The following MAP4K4 variants were observed in gnomAD, a reference collection of about 807,000 sequenced individuals.
MAP4K4 encodes the protein HPK/GCK-like kinase HGK.
A neutral mutation model predicts 189.6 loss-of-function variants in MAP4K4; 38 were observed. That is an observed-to-expected ratio of 0.20 (90% CI 0.15 to 0.26). The LOEUF (loss-of-function observed/expected upper bound fraction) is 0.26, where lower values mean the gene tolerates loss of function less well. Among genes scored for constraint, MAP4K4 ranks in the 10% least tolerant of loss-of-function variants. The pLI is 1.00. For missense variants in MAP4K4, 1,054 were observed against 1,726.9 expected (o/e 0.61, Z 6.91); for synonymous variants, 610 against 624.3 (o/e 0.98, Z 0.34).
intron 24 of MAP4K4, among the ~76,000 whole-genome samples, chr2:101,872,520 G>T (rs936713491): frequency 6.6e-6 from 1 of 152,142 alleles, no homozygotes; most frequent in Non-Finnish European, 1.5e-5. Flanking sequence ...CAAGTGATTT[G>T]ATTCCACAGA....
At chr2:101,824,780 C>T (rs2096276563) in intron 4 of MAP4K4, among the ~76,000 whole-genome samples, 2 of 152,258 alleles carry the variant, frequency 1.3e-5, no homozygotes, top group East Asian at 3.9e-4. Flanking sequence ...AGTTTATTTT[C>T]TGGGTACTTT....
chr2:101,804,785 T>C (rs988790301), intron 3 of MAP4K4, among the ~76,000 whole-genome samples: 6 of 152,152 alleles, frequency 3.9e-5, no homozygotes, highest in African/African-American at 1.4e-4. Flanking sequence ...GTAGCTCTTA[T>C]ATTTTTATAT....
At chr2:101,738,422 T>TTAAAA (rs2061343027) in intron 2 of MAP4K4, among the ~76,000 whole-genome samples, 1 of 152,192 alleles carries the variant, frequency 6.6e-6, no homozygotes, top group Admixed American at 6.5e-5. Context: ...ATGCAGATTT[T>TTAAAA]TAAAAAAAGC....
At chr2:101,757,407 A>G (rs1034765204) in intron 2 of MAP4K4, among the ~76,000 whole-genome samples, 1 of 152,242 alleles carries the variant, frequency 6.6e-6, no homozygotes, top group Non-Finnish European at 1.5e-5. Flanking sequence ...ATAAGTGAAT[A>G]GACTAGATCT....
intron 2 of MAP4K4, among the ~76,000 whole-genome samples, chr2:101,725,307 A>G (rs528529855): frequency 6.6e-6 from 1 of 151,896 alleles, no homozygotes; most frequent in South Asian, 2.1e-4. Flanking sequence ...TAGTCAAGCT[A>G]TAGCGATAGG....
chr2:101,732,705 C>T (rs1374365136), intron 2 of MAP4K4, among the ~76,000 whole-genome samples: 2 of 152,220 alleles, frequency 1.3e-5, no homozygotes. Context: ...TCTCCTGCCT[C>T]AGCCTCCTGA....
chr2:101,836,707 C>T (rs1438716338), intron 9 of MAP4K4, among the ~76,000 whole-genome samples: 1 of 152,138 alleles, frequency 6.6e-6, no homozygotes, highest in East Asian at 1.9e-4. Flanking sequence ...TGAAGTTAGA[C>T]ATACCAGCTT....
chr2:101,881,153 T>C (rs1181824486), intron 27 of MAP4K4, among the ~76,000 whole-genome samples: 3 of 152,236 alleles, frequency 2.0e-5, no homozygotes, highest in Non-Finnish European at 4.4e-5. Flanking sequence ...TTCATCAGAA[T>C]TTGTAGTTTT....
intron 7 of MAP4K4, among the ~76,000 whole-genome samples, chr2:101,834,104 G>T (rs1044441570): frequency 6.6e-6 from 1 of 152,046 alleles, no homozygotes; most frequent in Admixed American, 6.6e-5. Flanking sequence ...GACCAGCTCT[G>T]GTTCATTCAT....
At chr2:101,703,908 G>A (rs1453299113) in intron 2 of MAP4K4, among the ~76,000 whole-genome samples, 1 of 152,062 alleles carries the variant, frequency 6.6e-6, no homozygotes, top group Non-Finnish European at 1.5e-5. Flanking sequence ...CTACCCAGGA[G>A]GCTGAGGCAG....
At chr2:101,815,858 G>A (rs1297073416) in intron 3 of MAP4K4, among the ~76,000 whole-genome samples, 2 of 152,000 alleles carry the variant, frequency 1.3e-5, no homozygotes, top group African/African-American at 2.4e-5. Flanking sequence ...GTAGTATTCC[G>A]AGGAATCCTT....
At chr2:101,855,775 C>T (rs1439468092) in intron 12 of MAP4K4, among the ~76,000 whole-genome samples, 1 of 152,108 alleles carries the variant, frequency 6.6e-6, no homozygotes, top group African/African-American at 2.4e-5. Flanking sequence ...TTCACAGAGT[C>T]ACAATACTTT....
intron 2 of MAP4K4, among the ~76,000 whole-genome samples, chr2:101,773,760 T>C (rs1249084985): frequency 6.6e-6 from 1 of 152,208 alleles, no homozygotes; most frequent in Non-Finnish European, 1.5e-5. Context: ...CAGCCTCTGG[T>C]AACCATCCTT....
At chr2:101,766,739 T>C (rs1453574405) in intron 2 of MAP4K4, among the ~76,000 whole-genome samples, 4 of 152,346 alleles carry the variant, frequency 2.6e-5, no homozygotes, top group South Asian at 4.1e-4. Flanking sequence ...TAGGAAATAA[T>C]TATTTCAAAC....
intron 2 of MAP4K4, among the ~76,000 whole-genome samples, chr2:101,700,225 T>TTA (rs537407080): frequency 1.2e-3 from 190 of 152,304 alleles, no homozygotes; most frequent in African/African-American, 4.5e-3. Flanking sequence ...CAGTTTGTCT[T>TTA]TATTGGTTTT....
intron 22 of MAP4K4, chr2:101,870,018 C>T: frequency 1.5e-6 from 1 of 646,620 alleles, no homozygotes. Context: ...TTATTTTTTC[C>T]TTTTGATTTG....
intron 12 of MAP4K4, among the ~76,000 whole-genome samples, chr2:101,848,157 T>C (rs980008042): frequency 6.6e-6 from 1 of 152,210 alleles, no homozygotes; most frequent in African/African-American, 2.4e-5. Context: ...TAGGAACATA[T>C]CCCTGTTGTT....
intron 6 of MAP4K4, 59 bp downstream of exon 6, chr2:101,829,653 TC>T: frequency 8.5e-7 from 1 of 1,176,884 alleles, no homozygotes; most frequent in Non-Finnish European, 1.2e-6. Context: ...CCAGCTGCAC[TC>T]CCAGTTCTGC....
At chr2:101,738,418 A>G (rs2061341533) in intron 2 of MAP4K4, among the ~76,000 whole-genome samples, 1 of 152,216 alleles carries the variant, frequency 6.6e-6, no homozygotes, top group Admixed American at 6.5e-5. Context: ...TTACATGCAG[A>G]TTTTTAAAAA....
Sources: allele counts gnomAD v4.1 joint callset (sites outside exome capture counted in the v4.1 genomes callset), GRCh38; gene constraint gnomAD v4.1.1; transcripts MANE v1.5; gene names NCBI Gene and HGNC (gene_info 2026-07-23, HGNC 2026-07-21).